The following ESRRB variants were observed in gnomAD, a reference collection of about 807,000 sequenced individuals.
The protein encoded by ESRRB is estrogen related receptor beta, also known as steroid hormone receptor ERR2.
Under a neutral mutation model 46.0 loss-of-function variants are expected in ESRRB, and 16 were observed. The observed-to-expected ratio is 0.35, with a 90% confidence interval of 0.24 to 0.53. The LOEUF is 0.53. Among genes scored for constraint, ESRRB ranks in the 20% least tolerant of loss-of-function variants. The pLI is 0.93. For synonymous variants in ESRRB, 246 were observed against 259.6 expected, an observed-to-expected ratio of 0.95 and a Z score of 0.50; for missense variants, 488 against 607.4, an observed-to-expected ratio of 0.80 and a Z score of 2.07.
At chr14:76,429,973 T>C (rs1038514265) in intron 1 of ESRRB, among the ~76,000 whole-genome samples, 1 of 151,860 alleles carries the variant, frequency 6.6e-6, no homozygotes, top group African/African-American at 2.4e-5. Flanking sequence ...CCTTCCTGCC[T>C]GCCTTCCTGC....
chr14:76,323,641 G>C (rs1310358561), intron 1 of ESRRB, among the ~76,000 whole-genome samples: 1 of 152,174 alleles, frequency 6.6e-6, no homozygotes, highest in East Asian at 1.9e-4. Flanking sequence ...GCCCACTCAA[G>C]TTCCCATGCT....
intron 1 of ESRRB, among the ~76,000 whole-genome samples, chr14:76,400,346 A>C (rs1266737902): frequency 6.6e-6 from 1 of 152,226 alleles, no homozygotes; most frequent in Non-Finnish European, 1.5e-5. Context: ...CACAGGGCAG[A>C]GAACTCTGAA....
chr14:76,385,549 C>A (rs899073512), intron 1 of ESRRB, among the ~76,000 whole-genome samples: 1 of 152,172 alleles, frequency 6.6e-6, no homozygotes, highest in East Asian at 1.9e-4. Context: ...TTGAGCGATG[C>A]CTTTATTCAT....
At chr14:76,375,521 T>C (rs1266818398), upstream of ESRRB, among the ~76,000 whole-genome samples, 2 of 152,182 alleles carry the variant, frequency 1.3e-5, no homozygotes. Flanking sequence ...ACTTCATACA[T>C]TGAGAGAACG....
At chr14:76,399,805 T>A (rs1373385343) in intron 1 of ESRRB, among the ~76,000 whole-genome samples, 2 of 152,068 alleles carry the variant, frequency 1.3e-5, no homozygotes, top group African/African-American at 2.4e-5. Context: ...CTAGGGTGTA[T>A]AAATACCGGT....
Position 76,420,602 on chromosome 14 carries a change from TGAGA to T in ESRRB, c.51-18724_51-18721del, listed in dbSNP as rs138566813. 2.1e-3 allele frequency among the ~76,000 whole-genome samples: 308 copies of T among 147,768 alleles called. 1 individual carries two copies. Among genetic ancestry groups the T allele is most frequent in the African/African-American group, 6.3e-3 (254 of 40,140 alleles). Reference sequence around the variant, plus strand: ...GTGTGTGTGTGTGTGTGTTTGTGTATGAGAGAGAGAGAGAGAGACAGAGAGCAAC... The same window carrying T: ...GTGTGTGTGTGTGTGTGTTTGTGTATGAGAGAGAGAGAGACAGAGAGCAAC... On this transcript the variant is annotated intron_variant, in intron 1 of 6. Transcript: ENST00000644823.
chr14:76,404,181 T>C (rs565960226), intron 1 of ESRRB, among the ~76,000 whole-genome samples: 10 of 151,822 alleles, frequency 6.6e-5, no homozygotes, highest in African/African-American at 2.4e-4. Context: ...CATGTGTATG[T>C]GTGTGTGTGT....
At chr14:76,435,715 C>T (rs1887646151) in intron 1 of ESRRB, among the ~76,000 whole-genome samples, 1 of 152,186 alleles carries the variant, frequency 6.6e-6, no homozygotes, top group African/African-American at 2.4e-5. Flanking sequence ...CCTGTAATTC[C>T]AGCTTCTCAG....
chr14:76,396,948 C>T (rs1316983874), intron 1 of ESRRB, among the ~76,000 whole-genome samples: 1 of 152,224 alleles, frequency 6.6e-6, no homozygotes, highest in Non-Finnish European at 1.5e-5. Flanking sequence ...GGTTGCTCAC[C>T]TGCCCAGGAA....
chr14:76,332,746 A>T (rs1297487425), intron 1 of ESRRB, among the ~76,000 whole-genome samples: 2 of 13,762 alleles, frequency 1.5e-4, no homozygotes, highest in African/African-American at 2.8e-4. Context: ...TTATATATTT[A>T]TATATTATAT....
At chr14:76,323,508 C>G (rs1883892949) in intron 1 of ESRRB, among the ~76,000 whole-genome samples, 1 of 151,866 alleles carries the variant, frequency 6.6e-6, no homozygotes, top group Non-Finnish European at 1.5e-5. Flanking sequence ...CAGGTCATCA[C>G]TTTTTTGCCC....
In ESRRB at chr14:76,356,566, G is replaced by T. The variant is rs868506672; in HGVS notation, c.2+45650G>T. On this transcript the variant is annotated intron_variant, in intron 1 of 6. Coordinates refer to the ESRRB transcript ENST00000512784. ...CTTCTAGCCCCAGCCTGCCCTTCTG[G>T]CCCATGGCCATGTGGCCCCACCAAC... is the stretch of plus-strand genomic sequence containing the variant. Among the ~76,000 whole-genome samples the T allele has an allele frequency of 1.8e-4, 27 of 152,182 alleles. 2 individuals are homozygous for T. The Middle Eastern group carries it at 0.024, about 134-fold the overall frequency.
At chr14:76,329,396 C>T (rs555825998) in intron 1 of ESRRB, among the ~76,000 whole-genome samples, 4 of 152,250 alleles carry the variant, frequency 2.6e-5, no homozygotes, top group East Asian at 1.9e-4. Flanking sequence ...TGGGAGGTTC[C>T]GTGAATCCCA....
At chr14:76,446,718 G>C (rs1368742556) in intron 2 of ESRRB, among the ~76,000 whole-genome samples, 1 of 152,138 alleles carries the variant, frequency 6.6e-6, no homozygotes, top group East Asian at 1.9e-4. Context: ...TCCCCTGCAG[G>C]TCTTCTGCAA....
At position 76,498,264 on chromosome 14, in the gene ESRRB, C is replaced by G. The variant is rs1385622246; in HGVS notation, c.1171C>G (p.Leu391Val). 1 of 1,613,842 alleles carries G rather than the reference C, an allele frequency of 6.2e-7. No homozygotes were observed. The highest frequency in any genetic ancestry group is 1.7e-5 in the Admixed American group (1 of 60,036). ...LEAVQKLQDL[L>V]HEALQDYELS... ...GGCTGTCCAGAAGCTGCAGGACCTG[C>G]TGCACGAGGCACTGCAGGACTACGA... Residue 391 changes from leucine to valine, a missense_variant, in exon 7 of 7, where the codon CTG becomes GTG. Leu to Val is a conservative substitution (Grantham distance 32). Transcript: ENST00000644823.
intron 1 of ESRRB, among the ~76,000 whole-genome samples, chr14:76,392,292 G>A (rs1377796080): frequency 6.6e-6 from 1 of 152,216 alleles, no homozygotes; most frequent in Non-Finnish European, 1.5e-5. Context: ...GAGAAACAGT[G>A]TCACAGGGTT....
At position 76,482,822 on chromosome 14, in the gene ESRRB, A is replaced by C; in HGVS notation, c.850+63A>C. The C allele has an allele frequency of 6.3e-7, 1 of 1,585,708 alleles. No individual in the cohort carries two copies. The highest frequency in any genetic ancestry group is 8.6e-7 in the Non-Finnish European group (1 of 1,158,442). On this transcript the variant is annotated intron_variant, in intron 5 of 6. Transcript: ENST00000644823. This position sits in a 1 kb window ranked among gnomAD's most constrained non-coding sequence, Gnocchi z 4.3. ...CTCTCAGCCGGTATCTCCGCAGCCT[A>C]CCCAATGGCTGTGCTTCTGATGCCC...
chr14:76,478,613 T>A (rs113658441), intron 3 of ESRRB, among the ~76,000 whole-genome samples: 7,325 of 151,978 alleles, frequency 0.048, 601 homozygotes, highest in African/African-American at 0.17. Context: ...TGGCATATAG[T>A]AGGTGCTCAG....
At chr14:76,389,168 C>G (rs756102126) in intron 1 of ESRRB, among the ~76,000 whole-genome samples, 9 of 152,140 alleles carry the variant, frequency 5.9e-5, no homozygotes, top group Non-Finnish European at 5.9e-5. Flanking sequence ...ATTGCTTCCC[C>G]CAACCCTGGT....
Sources: gnomAD v4.1 joint callset for allele counts (sites outside exome capture counted in the v4.1 genomes callset) on GRCh38, gnomAD v4.1.1 for gene constraint, Gnocchi (gnomAD v3.1) non-coding constraint, MANE v1.5 for transcripts, NCBI Gene and HGNC (gene_info 2026-07-23, HGNC 2026-07-21) for gene names.